Variants in VAT1L observed in about 807,000 individuals in gnomAD.
VAT1L encodes vesicle amine transport 1 like, also known as putative NADPH-dependent quinone oxidoreductase VAT1L.
In VAT1L, 34 loss-of-function variants were observed where a neutral mutation model predicts 44.1. That is an observed-to-expected ratio of 0.77 (90% CI 0.59 to 1.03). The LOEUF is 1.03. Ranked by LOEUF, VAT1L falls within the 50% of genes least tolerant of loss-of-function variation. The pLI is 0.00. For missense variants in VAT1L, 615 were observed against 538.8 expected (o/e 1.14, Z -1.40); for synonymous variants, 253 against 202.2 (o/e 1.25, Z -2.13).
At chr16:77,818,352 T>A (rs1006479807) in intron 2 of VAT1L, among the ~76,000 whole-genome samples, 2 of 152,150 alleles carry the variant, frequency 1.3e-5, no homozygotes, top group African/African-American at 4.8e-5. Context: ...GGTTTTCAGA[T>A]AAGACAGCAG....
At chr16:77,953,117 G>A (rs1002178072) in intron 7 of VAT1L, among the ~76,000 whole-genome samples, 1 of 152,172 alleles carries the variant, frequency 6.6e-6, no homozygotes, top group Non-Finnish European at 1.5e-5. Flanking sequence ...CAGGAGTGAT[G>A]TGTCTCCAAG....
intron 1 of VAT1L, among the ~76,000 whole-genome samples, chr16:77,811,338 G>A (rs1312042188): frequency 6.6e-6 from 1 of 152,000 alleles, no homozygotes; most frequent in East Asian, 1.9e-4. Flanking sequence ...AACTATAGCT[G>A]GGCTGATTCT....
chr16:77,863,534 A>G (rs759094228), intron 4 of VAT1L, among the ~76,000 whole-genome samples: 1 of 152,192 alleles, frequency 6.6e-6, no homozygotes, highest in Non-Finnish European at 1.5e-5. Context: ...GGAGCCCGTG[A>G]TTTTCCTGTA....
rs145528294 is a variant in VAT1L, at chr16:77,862,785, A to G, written c.617A>G (p.Asn206Ser). ...GCTCAGCTGTGTTCCACTGTCCCCA[A>G]CGTGACTGTCTTTGGAACAGCCTCT... The part of the protein sequence containing the change: ...AVAQLCSTVP[N>S]VTVFGTASTF... The change falls in exon 4 of 9, where the codon AAC (asparagine) becomes AGC (serine). Residue 206 changes from asparagine (N) to serine (S), a missense_variant. Transcript: ENST00000302536. 279 of 1,614,098 alleles carry G rather than the reference A, an allele frequency of 1.7e-4. 1 individual carries two copies. The African/African-American group carries it at 3.4e-3, about 20-fold the overall frequency.
At chr16:77,894,573 G>C (rs966245955) in intron 7 of VAT1L, among the ~76,000 whole-genome samples, 3 of 152,080 alleles carry the variant, frequency 2.0e-5, no homozygotes, top group African/African-American at 7.2e-5. Context: ...AGAATGGAGA[G>C]GAACTGCTGA....
chr16:77,897,425 G>A (rs762902175), intron 7 of VAT1L, among the ~76,000 whole-genome samples: 1 of 152,162 alleles, frequency 6.6e-6, no homozygotes, highest in Non-Finnish European at 1.5e-5. Flanking sequence ...GCAGAAGCAG[G>A]TCTGATTGGA....
At chr16:77,956,858 G>A (rs1050942533) in intron 7 of VAT1L, among the ~76,000 whole-genome samples, 2 of 152,170 alleles carry the variant, frequency 1.3e-5, no homozygotes, top group East Asian at 3.9e-4. Flanking sequence ...CTCTGTCTCT[G>A]TTGGCTGACT....
intron 2 of VAT1L, among the ~76,000 whole-genome samples, chr16:77,824,604 A>C (rs906250103): frequency 6.6e-6 from 1 of 151,510 alleles, no homozygotes; most frequent in African/African-American, 2.4e-5. Flanking sequence ...AAATACAAAA[A>C]AATTAGCCGG....
chr16:77,806,302 C>A (rs548901594), intron 1 of VAT1L, among the ~76,000 whole-genome samples: 2 of 151,574 alleles, frequency 1.3e-5, no homozygotes, highest in African/African-American at 2.4e-5. Context: ...CTCCGCCTCC[C>A]GGGTTGAAGC....
At chr16:77,899,303 G>A (rs1240374872) in intron 7 of VAT1L, among the ~76,000 whole-genome samples, 1 of 152,224 alleles carries the variant, frequency 6.6e-6, no homozygotes, top group Non-Finnish European at 1.5e-5. Context: ...CCCTCCAGGA[G>A]CGGCGATGAC....
At chr16:77,916,797 CTCT>C (rs1317106262) in intron 7 of VAT1L, among the ~76,000 whole-genome samples, 3 of 131,362 alleles carry the variant, frequency 2.3e-5, no homozygotes, top group African/African-American at 8.1e-5. Context: ...CTGCGCTTTG[CTCT>C]TTTTTTTTTT....
chr16:77,920,030 G>C (rs1392504253), intron 7 of VAT1L, among the ~76,000 whole-genome samples: 1 of 152,142 alleles, frequency 6.6e-6, no homozygotes, highest in Non-Finnish European at 1.5e-5. Flanking sequence ...ATTGCAGTGA[G>C]TCAAGATGGT....
rs1567478965 is a variant in VAT1L, at chr16:77,825,226, C to CT, written c.364-19dup. 27 of 1,613,672 alleles carry CT rather than the reference C, an allele frequency of 1.7e-5. No individual in the cohort carries two copies. The highest frequency in any genetic ancestry group is 2.3e-5 in the Non-Finnish European group (27 of 1,179,874). ...TGTCATGAGGTAGCCTCCACTAACT[C>CT]TGTGTTTCCCCATGCCCAGATTGGA... On this transcript the variant is annotated intron_variant, in intron 2 of 8. Transcript: ENST00000302536.
chr16:77,823,716 G>A (rs2016486549), intron 2 of VAT1L, among the ~76,000 whole-genome samples: 1 of 152,156 alleles, frequency 6.6e-6, no homozygotes, highest in Non-Finnish European at 1.5e-5. Flanking sequence ...GTGATCAAAT[G>A]TACATATAGA....
At chr16:77,959,358 G>T (rs939582459) in intron 7 of VAT1L, among the ~76,000 whole-genome samples, 12 of 152,130 alleles carry the variant, frequency 7.9e-5, no homozygotes, top group Non-Finnish European at 1.6e-4. Context: ...CAGATCTCAA[G>T]CCTACTTGCA....
At chr16:77,962,621 G>A (rs2018172853) in intron 7 of VAT1L, among the ~76,000 whole-genome samples, 1 of 152,010 alleles carries the variant, frequency 6.6e-6, no homozygotes, top group African/African-American at 2.4e-5. Context: ...AGTGGCTCAT[G>A]CCTGTAATCC....
chr16:77,845,651 C>T (rs559423522), intron 3 of VAT1L, among the ~76,000 whole-genome samples: 8 of 152,276 alleles, frequency 5.3e-5, no homozygotes, highest in South Asian at 2.1e-4. Flanking sequence ...CTTCCCCAGT[C>T]GCTTTCTCTC....
intron 7 of VAT1L, among the ~76,000 whole-genome samples, chr16:77,929,613 C>A (rs1351781460): frequency 6.6e-6 from 1 of 152,060 alleles, no homozygotes; most frequent in Non-Finnish European, 1.5e-5. Flanking sequence ...GAGAGGGTGA[C>A]AGATAGGGAG....
chr16:77,816,288 C>T (rs946214979), intron 1 of VAT1L, among the ~76,000 whole-genome samples: 3 of 152,180 alleles, frequency 2.0e-5, no homozygotes, highest in Admixed American at 6.5e-5. Flanking sequence ...ATTCCCATAT[C>T]TATTGGGGCA....
Sources: allele counts gnomAD v4.1 joint callset (sites outside exome capture counted in the v4.1 genomes callset), GRCh38; gene constraint gnomAD v4.1.1; transcripts MANE v1.5; gene names NCBI Gene and HGNC (gene_info 2026-07-23, HGNC 2026-07-21).